The following OLA1 variants were observed in gnomAD, a reference collection of about 807,000 sequenced individuals.
OLA1 encodes the protein Obg like ATPase 1, also known as obg-like ATPase 1.
Under a neutral mutation model 48.4 loss-of-function variants are expected in OLA1, and 14 were observed. The ratio of observed to expected loss-of-function variants is 0.29; its 90% CI spans 0.19 to 0.45. The LOEUF (loss-of-function observed/expected upper bound fraction) is 0.45, where lower values mean the gene tolerates loss of function less well. OLA1 is among the 20% of genes least tolerant of loss of function. The pLI is 1.00. For synonymous variants in OLA1, 127 were observed against 150.4 expected, an observed-to-expected ratio of 0.84 and a Z score of 1.14; for missense variants, 325 against 467.1, an observed-to-expected ratio of 0.70 and a Z score of 2.80.
chr2:174,136,245 T>C (rs1476586482), intron 5 of OLA1, among the ~76,000 whole-genome samples: 1 of 152,196 alleles, frequency 6.6e-6, no homozygotes, highest in Non-Finnish European at 1.5e-5. Flanking sequence ...CCCTGTGACA[T>C]GCAGTGCTAT....
intron 4 of OLA1, among the ~76,000 whole-genome samples, chr2:174,155,381 C>T (rs1220350136): frequency 6.6e-6 from 1 of 152,212 alleles, no homozygotes; most frequent in Non-Finnish European, 1.5e-5. Flanking sequence ...TGAAGCTAAA[C>T]ATGCAGCACA....
intron 4 of OLA1, among the ~76,000 whole-genome samples, chr2:174,220,346 T>G (rs1020677548): frequency 6.6e-6 from 1 of 152,104 alleles, no homozygotes; most frequent in Admixed American, 6.6e-5. Flanking sequence ...TAATAATCTT[T>G]CCTTTCCTCC....
intron 7 of OLA1, among the ~76,000 whole-genome samples, chr2:174,092,467 C>A (rs1353837723): frequency 6.6e-6 from 1 of 151,702 alleles, no homozygotes; most frequent in Non-Finnish European, 1.5e-5. Context: ...GAGTTTGAGA[C>A]CAGCCTGGGC....
At chr2:174,084,022 G>A (rs1004425771) in intron 7 of OLA1, among the ~76,000 whole-genome samples, 6 of 152,082 alleles carry the variant, frequency 3.9e-5, no homozygotes, top group South Asian at 2.1e-4. Flanking sequence ...CATTCCTCAG[G>A]TGTTCTATTG....
At chr2:174,216,489 C>G (rs1232064950) in intron 4 of OLA1, among the ~76,000 whole-genome samples, 2 of 152,048 alleles carry the variant, frequency 1.3e-5, no homozygotes, top group African/African-American at 4.8e-5. Flanking sequence ...TTCAGACAAA[C>G]AATTAATCTT....
At chr2:174,203,338 T>A (rs1688031115) in intron 4 of OLA1, among the ~76,000 whole-genome samples, 1 of 152,202 alleles carries the variant, frequency 6.6e-6, no homozygotes, top group Non-Finnish European at 1.5e-5. Flanking sequence ...TAGCCTGATC[T>A]TTATTTACAT....
chr2:174,154,093 A>G (rs989370285), intron 4 of OLA1, among the ~76,000 whole-genome samples: 2 of 152,024 alleles, frequency 1.3e-5, no homozygotes, highest in Non-Finnish European at 2.9e-5. Context: ...CTGATCTTGA[A>G]CTGCTGGGTG....
chr2:174,199,494 A>C (rs992021191), intron 4 of OLA1, among the ~76,000 whole-genome samples: 2 of 152,166 alleles, frequency 1.3e-5, no homozygotes, highest in African/African-American at 4.8e-5. Context: ...TAAAAATTAT[A>C]ATTTTTGAAA....
chr2:174,175,296 TAA>T (rs34692902), intron 4 of OLA1, among the ~76,000 whole-genome samples: 1 of 132,734 alleles, frequency 7.5e-6, no homozygotes, highest in Non-Finnish European at 1.6e-5. Context: ...AAGACAGAAT[TAA>T]AAAAAAAAAA....
chr2:174,152,481 G>T (rs1233125411), intron 4 of OLA1, among the ~76,000 whole-genome samples: 3 of 152,118 alleles, frequency 2.0e-5, no homozygotes, highest in Non-Finnish European at 1.5e-5. Flanking sequence ...AAATCAATTT[G>T]CCTTTCTTAA....
chr2:174,113,890 A>G lies in OLA1; in HGVS notation c.728+9290T>C, dbSNP rs1685714213. ...TATAATCTTTCCAACCGCCTGCCCT[A>G]TCTGTAAAATGGGCATGATAATATC... On this transcript the variant is annotated intron_variant, in intron 7 of 10. Transcript: ENST00000284719. Among the ~76,000 whole-genome samples, 3 of 152,118 alleles carry G rather than the reference A, an allele frequency of 2.0e-5. No homozygotes were observed. The South Asian group carries it at 6.2e-4, about 31-fold the overall frequency.
chr2:174,109,404 A>T (rs1685589691), intron 7 of OLA1, among the ~76,000 whole-genome samples: 1 of 148,338 alleles, frequency 6.7e-6, no homozygotes, highest in African/African-American at 2.6e-5. Context: ...TTAAAAAAAT[A>T]ATGTCCCATC....
At chr2:174,171,208 C>T (rs1403356430) in intron 4 of OLA1, among the ~76,000 whole-genome samples, 18 of 152,060 alleles carry the variant, frequency 1.2e-4, no homozygotes, top group Admixed American at 1.2e-3. Flanking sequence ...CTTCTCTTAA[C>T]TAAATTAATG....
chr2:174,224,283 C>T (rs1351731545), intron 3 of OLA1, among the ~76,000 whole-genome samples: 3 of 152,150 alleles, frequency 2.0e-5, no homozygotes, highest in Non-Finnish European at 4.4e-5. Flanking sequence ...ATCCACTGCC[C>T]CCTCTCGGTA....
chr2:174,209,952 A>G (rs150292514), intron 4 of OLA1, among the ~76,000 whole-genome samples: 2 of 152,334 alleles, frequency 1.3e-5, no homozygotes, highest in African/African-American at 4.8e-5. Flanking sequence ...TGATATATCC[A>G]TATAATGAAA....
chr2:174,105,844 G>A (rs1353042249), intron 7 of OLA1, among the ~76,000 whole-genome samples: 1 of 151,968 alleles, frequency 6.6e-6, no homozygotes, highest in Admixed American at 6.6e-5. Context: ...GCAAAAATGA[G>A]TACGAACCTA....
At chr2:174,152,740 G>A (rs944389860) in intron 4 of OLA1, among the ~76,000 whole-genome samples, 6 of 152,188 alleles carry the variant, frequency 3.9e-5, no homozygotes, top group South Asian at 2.1e-4. Flanking sequence ...TAATGGAATA[G>A]TATAACTGGA....
At chr2:174,232,666 A>G (rs1559018012) in intron 2 of OLA1, among the ~76,000 whole-genome samples, 2 of 152,166 alleles carry the variant, frequency 1.3e-5, no homozygotes. Flanking sequence ...ATGAGATATA[A>G]CCTTACAATT....
intron 4 of OLA1, among the ~76,000 whole-genome samples, chr2:174,190,755 T>A (rs1325045899): frequency 2.6e-5 from 4 of 151,686 alleles, no homozygotes; most frequent in Non-Finnish European, 5.9e-5. Flanking sequence ...AGGACAAAAA[T>A]ATACCTTAGC....
Sources: allele counts gnomAD v4.1 joint callset (sites outside exome capture counted in the v4.1 genomes callset), GRCh38; gene constraint gnomAD v4.1.1; transcripts MANE v1.5; gene names NCBI Gene and HGNC (gene_info 2026-07-23, HGNC 2026-07-21).